The following HIVEP1 variants were observed in gnomAD, a reference collection of about 807,000 sequenced individuals.
The protein encoded by HIVEP1 is zinc finger protein 40.
Under a neutral mutation model 180.0 loss-of-function variants are expected in HIVEP1, and 36 were observed. The ratio of observed to expected loss-of-function variants is 0.20; its 90% CI spans 0.15 to 0.26. The LOEUF (loss-of-function observed/expected upper bound fraction) is 0.26. Ranked by LOEUF, HIVEP1 falls within the 10% of genes least tolerant of loss-of-function variation. The pLI is 1.00. For missense variants in HIVEP1, 3,143 were observed against 3,268.7 expected, an observed-to-expected ratio of 0.96 and a Z score of 0.94; for synonymous variants, 1,239 against 1,239.0, an observed-to-expected ratio of 1.00 and a Z score of 0.00.
chr6:12,168,203 C>CGTGT (rs1554161527), downstream of HIVEP1, among the ~76,000 whole-genome samples: 2,631 of 99,052 alleles, frequency 0.027, 293 homozygotes, highest in Non-Finnish European at 0.034. Context: ...TGTATATATA[C>CGTGT]ATATATACAT....
Position 12,163,776 on chromosome 6 carries a change from T to C in HIVEP1, c.7472T>C (p.Leu2491Ser). Reference protein sequence around the residue: ...STPGLQSLPSLSMETVNIVGL... With the variant: ...STPGLQSLPSSSMETVNIVGL... ...CCAGGCTTGCAGTCACTCCCCTCGT[T>C]AAGCATGGAAACCGTCAATATTGTA... is the stretch of plus-strand genomic sequence containing the variant. Residue 2491 changes from leucine to serine, a missense_variant, in exon 9 of 9, where the codon TTA becomes TCA. Physicochemically the swap from Leu to Ser is moderately radical, Grantham distance 145. Coordinates refer to ENST00000379388, the MANE Select transcript of HIVEP1 (RefSeq NM_002114.4). The C allele has an allele frequency of 6.2e-7, 1 of 1,614,170 alleles. No individual in the cohort carries two copies. Among genetic ancestry groups the C allele is most frequent in the Non-Finnish European group, 8.5e-7 (1 of 1,180,032 alleles).
chr6:12,176,838 C>A, the HIVEP1 span, among the ~76,000 whole-genome samples: 1 of 152,126 alleles, frequency 6.6e-6, no homozygotes, highest in Admixed American at 6.5e-5. Flanking sequence ...TTAATTAGAT[C>A]CCATTTGTCA....
intron 3 of HIVEP1, among the ~76,000 whole-genome samples, chr6:12,093,081 C>T (rs577788706): frequency 5.9e-5 from 9 of 152,042 alleles, no homozygotes; most frequent in South Asian, 2.1e-4. Flanking sequence ...TTTGTGTTTG[C>T]GCACTAAATG....
chr6:12,186,647 A>G, the HIVEP1 span, among the ~76,000 whole-genome samples: 2 of 152,182 alleles, frequency 1.3e-5, no homozygotes, highest in Non-Finnish European at 2.9e-5. Context: ...TGCCAGAATA[A>G]AACTCAACAC....
rs201247218 is a variant in HIVEP1 at position 12,121,983 on chromosome 6, C to T, written c.2188C>T (p.Leu730Phe). 1.9e-5 allele frequency: 31 copies of T among 1,614,142 alleles called. No individual in the cohort carries two copies. Among genetic ancestry groups the T allele is most frequent in the Non-Finnish European group, 2.5e-5 (29 of 1,180,032 alleles). Residue 730 changes from leucine (L) to phenylalanine (F), a missense_variant, in exon 4 of 9, where the codon CTT becomes TTT. Physicochemically the swap from Leu to Phe is conservative, Grantham distance 22 (BLOSUM62 0). Transcript: ENST00000379388. The surrounding 1 kb of genome is among the most constrained non-coding windows in gnomAD (Gnocchi z 5.3). ...TTTGCCCACAGGGGAAAAGGCATTG[C>T]TTTTACCAGGTCAGATGCGCCCACC... ...SALPTGEKALLLPGQMRPPLA... is the reference protein window; with the variant it reads ...SALPTGEKALFLPGQMRPPLA...
rs754428951 is a variant in HIVEP1 at position 12,161,735 on chromosome 6, A to T, written c.6784A>T (p.Thr2262Ser). Residue 2262 changes from threonine (T) to serine (S), a missense_variant, in exon 8 of 9, where the codon ACA (threonine) becomes TCA (serine). Transcript: ENST00000379388. ...ALLTRMTVLS[T>S]AQSDYNRKTL... ...GCTCACCAGAATGACTGTCCTGAGC[A>T]CAGCACAGTCTGACTACAATAGGAA... is the stretch of plus-strand genomic sequence containing the variant. 6.2e-7 allele frequency: 1 copy of T among 1,614,060 alleles called. No individual in the cohort carries two copies. Among genetic ancestry groups the T allele is most frequent in the East Asian group, 2.2e-5 (1 of 44,866 alleles).
In HIVEP1 at chr6:12,042,205, G is replaced by C. The variant is rs1275649766; in HGVS notation, c.40+26537G>C. On this transcript the variant is annotated intron_variant, in intron 2 of 8. Coordinates refer to ENST00000379388, the MANE Select transcript of HIVEP1 (RefSeq NM_002114.4). The stretch of plus-strand genomic sequence containing the variant: ...CGCCATTCTCCTGCCTCAGCCTCCC[G>C]AGTAGCTGGGACTACAGGCGCCCGC... Among the ~76,000 whole-genome samples the C allele has an allele frequency of 4.7e-5, 7 of 148,092 alleles. 1 individual carries two copies. The highest frequency in any genetic ancestry group is 1.0e-4 in the African/African-American group (4 of 39,376).
intron 7 of HIVEP1, among the ~76,000 whole-genome samples, chr6:12,141,229 G>C (rs1431245051): frequency 6.6e-6 from 1 of 152,048 alleles, no homozygotes; most frequent in Admixed American, 6.6e-5. Context: ...CATTCTTAAA[G>C]AAAAGAATTT....
intron 2 of HIVEP1, among the ~76,000 whole-genome samples, chr6:12,055,954 C>T (rs531361042): frequency 2.6e-5 from 4 of 152,270 alleles, no homozygotes; most frequent in East Asian, 1.9e-4. Flanking sequence ...ATGTAATATT[C>T]GTGCAAAAGA....
chr6:12,016,564 A>G (rs1206027854), intron 2 of HIVEP1, among the ~76,000 whole-genome samples: 2 of 139,020 alleles, frequency 1.4e-5, no homozygotes, highest in African/African-American at 2.6e-5. Context: ...TAGTCACCAT[A>G]AGGTGATCTT....
At chr6:12,191,607 A>G in the HIVEP1 span, among the ~76,000 whole-genome samples, 3 of 152,182 alleles carry the variant, frequency 2.0e-5, no homozygotes, top group Non-Finnish European at 4.4e-5. Context: ...AAATAAAAAT[A>G]AAAATAAAAA....
chr6:12,047,215 C>A (rs1175149278), intron 2 of HIVEP1, among the ~76,000 whole-genome samples: 1 of 152,128 alleles, frequency 6.6e-6, no homozygotes, highest in Non-Finnish European at 1.5e-5. Context: ...GTAATTTGTA[C>A]ATTAAATAAG....
rs778010496 is a variant in HIVEP1, at chr6:12,161,635, T to C, written c.6684T>C (p.Thr2228=). The C allele has an allele frequency of 1.7e-5, 27 of 1,614,020 alleles. No homozygotes were observed. In the Middle Eastern group the frequency reaches 6.6e-4, roughly 39 times the overall value. The part of the protein sequence containing the change: ...SRSSLQDPVS[T]DEDVRITDCF... Reference sequence around the variant, plus strand: ...GTAGCCTTCAGGACCCTGTGAGTACTGACGAGGATGTCAGGATCACCGATT... The same window carrying C: ...GTAGCCTTCAGGACCCTGTGAGTACCGACGAGGATGTCAGGATCACCGATT... The change falls in exon 8 of 9, where the codon ACT becomes ACC. Residue 2228 remains threonine (T), a synonymous_variant. Transcript: ENST00000379388.
At chr6:12,179,808 C>A in the HIVEP1 span, among the ~76,000 whole-genome samples, 1 of 152,242 alleles carries the variant, frequency 6.6e-6, no homozygotes, top group South Asian at 2.1e-4. Flanking sequence ...TTTTTCCCAA[C>A]AGTAGTTACT....
intron 2 of HIVEP1, among the ~76,000 whole-genome samples, chr6:12,034,059 C>T (rs140490024): frequency 1.7e-4 from 26 of 152,298 alleles, no homozygotes; most frequent in African/African-American, 3.6e-4. Context: ...GTCTGGAATG[C>T]GGTCTGACTT....
At chr6:12,113,982 T>A (rs1775066500) in intron 3 of HIVEP1, among the ~76,000 whole-genome samples, 1 of 152,210 alleles carries the variant, frequency 6.6e-6, no homozygotes, top group Admixed American at 6.5e-5. Flanking sequence ...TTTAATTAAT[T>A]TTTCTGTCTT....
At chr6:12,150,786 A>AAT (rs1040404094) in intron 7 of HIVEP1, among the ~76,000 whole-genome samples, 14 of 151,810 alleles carry the variant, frequency 9.2e-5, no homozygotes, top group East Asian at 1.9e-4. Context: ...TTATCTTTAA[A>AAT]ATATATATAT....
At chr6:12,042,508 C>A (rs1281335967) in intron 2 of HIVEP1, among the ~76,000 whole-genome samples, 1 of 150,520 alleles carries the variant, frequency 6.6e-6, no homozygotes, top group Middle Eastern at 3.2e-3. Flanking sequence ...TGCCCCCATA[C>A]CCTATCTTAT....
Position 12,164,085 on chromosome 6 carries a change from T to A in HIVEP1, c.7781T>A (p.Val2594Asp), listed in dbSNP as rs754391505. The change falls in exon 9 of 9, where the codon GTC becomes GAC. Residue 2594 changes from valine to aspartate, a missense_variant. Physicochemically the swap from Val to Asp is radical, Grantham distance 152 (BLOSUM62 -3). This residue lies in a region of HIVEP1 where 595 missense variants were observed against 602.2 expected (regional missense o/e 0.99). Coordinates refer to ENST00000379388, the MANE Select transcript of HIVEP1 (RefSeq NM_002114.4). ...ACTTCTGTAGCCAGCGCAAACCAGGTCAGCAGGACCGAGTCTCCTCAGGGG... is the reference window on the plus strand; with the variant it reads ...ACTTCTGTAGCCAGCGCAAACCAGGACAGCAGGACCGAGTCTCCTCAGGGG... ...KQTSVASANQ[V>D]SRTESPQGLP... The A allele has an allele frequency of 1.2e-6, 2 of 1,614,044 alleles. No individual in the cohort carries two copies. Among genetic ancestry groups the A allele is most frequent in the Non-Finnish European group, 1.7e-6 (2 of 1,180,014 alleles).
Sources: allele counts gnomAD v4.1 joint callset (sites outside exome capture counted in the v4.1 genomes callset), GRCh38; gene constraint gnomAD v4.1.1; regional missense constraint gnomAD v4.1.1; non-coding constraint Gnocchi (gnomAD v3.1); transcripts MANE v1.5; gene names NCBI Gene and HGNC (gene_info 2026-07-23, HGNC 2026-07-21).